OR2A42: variants seen among roughly 807,000 people sequenced by gnomAD.
OR2A42 encodes the protein olfactory receptor 2A1/2A42.
For missense variants in OR2A42, 3 were observed against 104.1 expected (o/e 0.03, Z 4.23); for synonymous variants, 5 against 46.4 (o/e 0.11, Z 3.63).
intron 2 of OR2A42, among the ~76,000 whole-genome samples, chr7:144,234,850 T>C (rs2052404676): frequency 8.2e-6 from 1 of 122,380 alleles, no homozygotes; most frequent in South Asian, 2.6e-4. Flanking sequence ...AAAAAAATAC[T>C]CTCCTAGGCC....
rs1305548088 is a variant in OR2A42, at chr7:144,230,141, GTTTGTTTGT to G, written c.*1761_*1769del. The stretch of plus-strand genomic sequence containing the variant: ...ACCAGTATAAAAAAAGCTGTTTTTT[GTTTGTTTGT>G]TTGTTTGTTTGTTTGTTTTTCCCCC... On this transcript the variant is annotated 3_prime_UTR_variant, in exon 3 of 3. Coordinates refer to ENST00000641810, the MANE Select transcript of OR2A42 (RefSeq NM_001001802.3). 2.5e-5 allele frequency: 2 copies of G among 80,400 alleles called. No homozygotes were observed. The highest frequency in any genetic ancestry group is 8.4e-5 in the African/African-American group (2 of 23,904). The allele number at this position is 80,400 out of a possible 1,614,324, so 5.0% of individuals were successfully genotyped here. A position where few individuals can be genotyped will look rare whatever the true frequency, so the allele number is the denominator to read the frequency against.
chr7:144,237,728 T>G (rs2052449446), intron 2 of OR2A42, among the ~76,000 whole-genome samples: 1 of 150,232 alleles, frequency 6.7e-6, no homozygotes, highest in Admixed American at 6.6e-5. Flanking sequence ...AGATATCAAT[T>G]TGATTAAATA....
At chr7:144,237,573 A>AC (rs1554430590) in intron 2 of OR2A42, among the ~76,000 whole-genome samples, 1 of 23,104 alleles carries the variant, frequency 4.3e-5, no homozygotes, top group Non-Finnish European at 7.2e-5. Flanking sequence ...AACAACAACA[A>AC]AAAAAAAACC....
rs1186945672 is a variant in OR2A42, at chr7:144,229,142, AC to A, written c.*2768del. 1.5e-5 allele frequency: 2 copies of A among 130,262 alleles called. No individual in the cohort carries two copies. The highest frequency in any genetic ancestry group is 2.7e-5 in the African/African-American group (1 of 36,776). The allele number at this position is 130,262 out of a possible 1,614,324, so 8.1% of individuals were successfully genotyped here. On this transcript the variant is annotated 3_prime_UTR_variant, in exon 3 of 3. Transcript: ENST00000641810. ...TGGTTCCAGATCAGAAAGTTTAGCA[AC>A]CCTGACAGGTTTAAAATAACTTCTG...
intron 1 of OR2A42, 93 bp from the exon 2 acceptor site, chr7:144,238,836 G>A (rs2128821444): frequency 6.7e-6 from 1 of 150,092 alleles, no homozygotes; most frequent in East Asian, 1.9e-4. Flanking sequence ...CAGCCACAGA[G>A]CACACCTCTG....
rs2052340880 is a variant in OR2A42 at position 144,229,268 on chromosome 7, T to C, written c.*2643A>G. 1 of 133,914 alleles carries C rather than the reference T, an allele frequency of 7.5e-6. No homozygotes were observed. Among genetic ancestry groups the C allele is most frequent in the South Asian group, 2.6e-4 (1 of 3,860 alleles). 8.3% of individuals were successfully genotyped at this position (133,914 alleles called of 1,614,324 possible). ...TTTGCATCTTGCTTTGGGTTTTCAG[T>C]GGCACTCTGTGGTGTCCTAAACAGC... On this transcript the variant is annotated 3_prime_UTR_variant, in exon 3 of 3. Coordinates refer to ENST00000641810, the MANE Select transcript of OR2A42 (RefSeq NM_001001802.3).
In OR2A42 at chr7:144,230,293, T is replaced by C. The variant is rs1295458974; in HGVS notation, c.*1618A>G. 3 of 121,160 alleles carry C rather than the reference T, an allele frequency of 2.5e-5. No homozygotes were observed. The highest frequency in any genetic ancestry group is 5.2e-5 in the Non-Finnish European group (3 of 57,780). 7.5% of individuals were successfully genotyped at this position (121,160 alleles called of 1,614,324 possible). On this transcript the variant is annotated 3_prime_UTR_variant, in exon 3 of 3. Transcript: ENST00000641810. Reference sequence around the variant, plus strand: ...AATTTCATGATCTCTTTGATTTTTATATAATGGTTACGATTATGGGTTCAG... The same window carrying C: ...AATTTCATGATCTCTTTGATTTTTACATAATGGTTACGATTATGGGTTCAG...
rs1361654797 is a variant in OR2A42, at chr7:144,230,549, A to C, written c.*1362T>G. The C allele has an allele frequency of 6.6e-6, 1 of 150,730 alleles. No individual in the cohort carries two copies. The highest frequency in any genetic ancestry group is 1.9e-4 in the East Asian group (1 of 5,200). 9.3% of individuals were successfully genotyped at this position (150,730 alleles called of 1,614,324 possible). The stretch of plus-strand genomic sequence containing the variant: ...TGTGTGTGTGTGTGTGCGCGCACGC[A>C]TGTACGTGAGCATGTGAGTGTTGTA... On this transcript the variant is annotated 3_prime_UTR_variant, in exon 3 of 3. Coordinates refer to ENST00000641810, the MANE Select transcript of OR2A42 (RefSeq NM_001001802.3).
chr7:144,237,854 G>A (rs981143527), intron 2 of OR2A42, among the ~76,000 whole-genome samples: 3 of 148,822 alleles, frequency 2.0e-5, no homozygotes, highest in Admixed American at 1.3e-4. Context: ...GGGCTTAGTG[G>A]TCAGATGCAC....
intron 2 of OR2A42, among the ~76,000 whole-genome samples, chr7:144,237,865 A>G (rs2052451924): frequency 6.7e-6 from 1 of 148,678 alleles, no homozygotes; most frequent in Non-Finnish European, 1.5e-5. Context: ...TCAGATGCAC[A>G]TTTATTAGTT....
rs1213655545 is a variant in OR2A42, at chr7:144,230,551, G to C, written c.*1360C>G. ...TGTGTGTGTGTGTGCGCGCACGCAT[G>C]TACGTGAGCATGTGAGTGTTGTACG... On this transcript the variant is annotated 3_prime_UTR_variant, in exon 3 of 3. Transcript: ENST00000641810. 2.0e-5 allele frequency: 3 copies of C among 150,828 alleles called. No homozygotes were observed. The highest frequency in any genetic ancestry group is 4.4e-5 in the Non-Finnish European group (3 of 67,678). The allele number at this position is 150,828 out of a possible 1,614,324, so 9.3% of individuals were successfully genotyped here.
chr7:144,230,142 TTTG>T lies in OR2A42; in HGVS notation c.*1766_*1768del. 1.2e-5 allele frequency: 1 copy of T among 81,692 alleles called. No individual in the cohort carries two copies. The highest frequency in any genetic ancestry group is 4.5e-5 in the African/African-American group (1 of 22,440). 5.1% of individuals were successfully genotyped at this position (81,692 alleles called of 1,614,324 possible). A position where few individuals can be genotyped will look rare whatever the true frequency, so the allele number is the denominator to read the frequency against. On this transcript the variant is annotated 3_prime_UTR_variant, in exon 3 of 3. Coordinates refer to ENST00000641810, the MANE Select transcript of OR2A42 (RefSeq NM_001001802.3). ...CCAGTATAAAAAAAGCTGTTTTTTG[TTTG>T]TTTGTTTGTTTGTTTGTTTGTTTTT...
chr7:144,238,767 A>G (rs1350248996), intron 1 of OR2A42, 24 bp from the exon 2 acceptor site: 7 of 151,192 alleles, frequency 4.6e-5, no homozygotes, highest in African/African-American at 1.5e-4. Flanking sequence ...AGACAAGACA[A>G]TTGGTTTTTT....
Position 144,230,266 on chromosome 7 carries a change from G to C in OR2A42, c.*1645C>G, listed in dbSNP as rs2052356113. The C allele has an allele frequency of 8.4e-6, 1 of 118,948 alleles. No individual in the cohort carries two copies. Among genetic ancestry groups the C allele is most frequent in the Non-Finnish European group, 1.8e-5 (1 of 57,058 alleles). 7.4% of individuals were successfully genotyped at this position (118,948 alleles called of 1,614,324 possible). A position where few individuals can be genotyped will look rare whatever the true frequency, so the allele number is the denominator to read the frequency against. On this transcript the variant is annotated 3_prime_UTR_variant, in exon 3 of 3. Transcript: ENST00000641810. The stretch of plus-strand genomic sequence containing the variant: ...TCATCTCTCCTCCTCTTCATCTTTG[G>C]AAATTTCATGATCTCTTTGATTTTT...
Position 144,229,712 on chromosome 7 carries a change from G to C in OR2A42, c.*2199C>G, listed in dbSNP as rs1400982428. Reference sequence around the variant, plus strand: ...GAAACTAAACAACCGTTTAAAAACTGTTCGGCAGCAATGGAATTACAAATT... The same window carrying C: ...GAAACTAAACAACCGTTTAAAAACTCTTCGGCAGCAATGGAATTACAAATT... On this transcript the variant is annotated 3_prime_UTR_variant, in exon 3 of 3. Transcript: ENST00000641810. 1 of 150,520 alleles carries C rather than the reference G, an allele frequency of 6.6e-6. No individual in the cohort carries two copies. The highest frequency in any genetic ancestry group is 2.4e-5 in the African/African-American group (1 of 41,098). 9.3% of individuals were successfully genotyped at this position (150,520 alleles called of 1,614,324 possible).
intron 1 of OR2A42, 183 bp from the exon 2 acceptor site, chr7:144,238,926 T>C (rs2052466873): frequency 6.7e-6 from 1 of 150,146 alleles, no homozygotes; most frequent in Admixed American, 6.6e-5. Flanking sequence ...AAGCTTCAGA[T>C]GGTTCAAGTG....
At position 144,229,385 on chromosome 7, in the gene OR2A42, G is replaced by A. The variant is rs1281506448; in HGVS notation, c.*2526C>T. ...AACACAGCTAGCAAATGGTACATCT[G>A]GAACTAGAACCAGGGCCTCCGGTAC... On this transcript the variant is annotated 3_prime_UTR_variant, in exon 3 of 3. Coordinates refer to ENST00000641810, the MANE Select transcript of OR2A42 (RefSeq NM_001001802.3). The A allele has an allele frequency of 1.3e-4, 16 of 121,296 alleles. No individual in the cohort carries two copies. Among genetic ancestry groups the A allele is most frequent in the Admixed American group, 3.8e-4 (4 of 10,424 alleles). The allele number at this position is 121,296 out of a possible 1,614,324, so 7.5% of individuals were successfully genotyped here.
At position 144,228,462 on chromosome 7, in the gene OR2A42, G is replaced by T. The variant is rs1267143521; in HGVS notation, c.*3449C>A. ...CCCCCCCCCCTTTAATGTTAGGATA[G>T]TATTAGTACCTACTCCACATATTTG... On this transcript the variant is annotated 3_prime_UTR_variant, in exon 3 of 3. Coordinates refer to ENST00000641810, the MANE Select transcript of OR2A42 (RefSeq NM_001001802.3). 2.2e-4 allele frequency: 25 copies of T among 112,614 alleles called. 3 individuals carry two copies. Among genetic ancestry groups the T allele is most frequent in the Admixed American group, 1.1e-3 (11 of 9,686 alleles). The allele number at this position is 112,614 out of a possible 1,614,324, so 7.0% of individuals were successfully genotyped here.
intron 2 of OR2A42, among the ~76,000 whole-genome samples, chr7:144,237,751 A>G (rs2052449715): frequency 6.7e-6 from 1 of 150,038 alleles, no homozygotes; most frequent in African/African-American, 2.5e-5. Flanking sequence ...AGAAAGCAAA[A>G]CATTAATGAA....
Sources: gnomAD v4.1 joint callset for allele counts (sites outside exome capture counted in the v4.1 genomes callset) on GRCh38, gnomAD v4.1.1 for gene constraint, MANE v1.5 for transcripts, NCBI Gene and HGNC (gene_info 2026-07-23, HGNC 2026-07-21) for gene names.